Variants in FER1L6 observed in about 807,000 individuals in gnomAD.
FER1L6 encodes fer-1 like family member 6.
In FER1L6, 177 loss-of-function variants were observed where a neutral mutation model predicts 219.2. The ratio of observed to expected loss-of-function variants is 0.81; its 90% confidence interval spans 0.71 to 0.91. The LOEUF (loss-of-function observed/expected upper bound fraction) is 0.91, where lower values mean the gene tolerates loss of function less well. Among genes scored for constraint, FER1L6 ranks in the 40% least tolerant of loss-of-function variants. The pLI, the probability that FER1L6 is intolerant of heterozygous loss-of-function variation, is 0.00. For missense variants in FER1L6, 2,153 were observed against 2,259.9 expected, an observed-to-expected ratio of 0.95 and a Z score of 0.96; for synonymous variants, 768 against 824.3, an observed-to-expected ratio of 0.93 and a Z score of 1.17.
intron 1 of FER1L6, among the ~76,000 whole-genome samples, chr8:123,877,406 G>C (rs1653911372): frequency 6.6e-6 from 1 of 152,130 alleles, no homozygotes; most frequent in South Asian, 2.1e-4. Context: ...AATGGTGAAG[G>C]TCCTGGACTC....
intron 1 of FER1L6, among the ~76,000 whole-genome samples, chr8:123,946,823 G>A (rs4871447): frequency 0.27 from 41,355 of 151,778 alleles, 6,017 homozygotes; most frequent in East Asian, 0.41. Flanking sequence ...ACTTGAGCTC[G>A]ATTTTTTTTC....
chr8:123,933,378 CTGTGTG>C lies in FER1L6; in HGVS notation c.-7-22596_-7-22591del, dbSNP rs767541659. Among the ~76,000 whole-genome samples the C allele has an allele frequency of 3.1e-5, 4 of 130,242 alleles. No homozygotes were observed. In the East Asian group the frequency reaches 6.1e-4, roughly 20 times the overall value. The allele number at this position is 130,242 out of a possible 152,430, so 85.4% of individuals were successfully genotyped here. A position where few individuals can be genotyped will look rare whatever the true frequency, so the allele number is the denominator to read the frequency against. ...TCTTTCTATCATAGCATATGTGTGT[CTGTGTG>C]TGTGTGTGTGTGTGTGTCTGTGTGT... On this transcript the variant is annotated intron_variant, in intron 1 of 40. Transcript: ENST00000522917.
At chr8:123,854,642 C>T (rs1260708234) in intron 1 of FER1L6, among the ~76,000 whole-genome samples, 1 of 152,146 alleles carries the variant, frequency 6.6e-6, no homozygotes, top group African/African-American at 2.4e-5. Context: ...CCAAGGGTGT[C>T]TTCACAGGCC....
intron 7 of FER1L6, 66 bp from the exon 8 acceptor site, chr8:123,975,084 G>A (rs967779963): frequency 1.4e-5 from 20 of 1,418,810 alleles, no homozygotes; most frequent in Non-Finnish European, 1.8e-5. Context: ...TGGCGTGTGG[G>A]AGAGAAAGGG....
chr8:124,063,853 A>G (rs1384734017), intron 25 of FER1L6, among the ~76,000 whole-genome samples: 2 of 152,306 alleles, frequency 1.3e-5, no homozygotes, highest in South Asian at 2.1e-4. Flanking sequence ...TAACCTTTCT[A>G]TGGCATCAGA....
At chr8:124,083,004 T>TTA (rs1821626297) in intron 33 of FER1L6, among the ~76,000 whole-genome samples, 3 of 36,256 alleles carry the variant, frequency 8.3e-5, no homozygotes, top group African/African-American at 1.1e-4. Flanking sequence ...TGTGTATATA[T>TTA]TATATACACA....
In FER1L6 at chr8:123,922,022, C is replaced by T. The variant is rs569726267; in HGVS notation, c.-7-33970C>T. 2.4e-4 allele frequency among the ~76,000 whole-genome samples: 37 copies of T among 152,302 alleles called. No homozygotes were observed. The East Asian group carries it at 7.1e-3, about 29-fold the overall frequency. ...AGTATGGAATTGTGAAACAGTCTGG[C>T]CAGTTTATCTCCTTTCGCCCCAGGT... On this transcript the variant is annotated intron_variant, in intron 1 of 40. Transcript: ENST00000522917.
In FER1L6 at chr8:124,073,782, G is replaced by C. The variant is rs1821171981; in HGVS notation, c.4092+2151G>C. ...CTCATGGAGATTACATACTAGTTGAGAGTGATGTGGGAATTAAGAAGATAT... is the reference window on the plus strand; with the variant it reads ...CTCATGGAGATTACATACTAGTTGACAGTGATGTGGGAATTAAGAAGATAT... On this transcript the variant is annotated intron_variant, in intron 31 of 40. Coordinates refer to ENST00000522917, the MANE Select transcript of FER1L6 (RefSeq NM_001039112.2). 2.0e-5 allele frequency among the ~76,000 whole-genome samples: 3 copies of C among 152,182 alleles called. No individual in the cohort carries two copies. The South Asian group carries it at 6.2e-4, about 31-fold the overall frequency.
At chr8:124,089,290 CA>C (rs1821918440) in intron 33 of FER1L6, among the ~76,000 whole-genome samples, 1 of 152,148 alleles carries the variant, frequency 6.6e-6, no homozygotes, top group Admixed American at 6.6e-5. Flanking sequence ...GACAGGGTAG[CA>C]CTGAGTTCCA....
chr8:124,042,574 T>C (rs1819550700), intron 20 of FER1L6, among the ~76,000 whole-genome samples: 1 of 152,208 alleles, frequency 6.6e-6, no homozygotes, highest in Admixed American at 6.5e-5. Context: ...ACTTCCATTT[T>C]CATAAGAAAG....
intron 16 of FER1L6, among the ~76,000 whole-genome samples, chr8:124,020,619 C>A (rs1818416778): frequency 6.6e-6 from 1 of 152,194 alleles, no homozygotes; most frequent in Non-Finnish European, 1.5e-5. Context: ...AAGCAGCAAC[C>A]ATACCTCTGG....
intron 27 of FER1L6, 61 bp downstream of exon 27, chr8:124,066,611 C>T: frequency 2.5e-6 from 4 of 1,584,100 alleles, no homozygotes; most frequent in Non-Finnish European, 3.4e-6. Flanking sequence ...GCACCTTCTC[C>T]TACCCTAAGT....
At chr8:124,033,024 G>C (rs1002027400) in intron 18 of FER1L6, among the ~76,000 whole-genome samples, 1 of 152,162 alleles carries the variant, frequency 6.6e-6, no homozygotes, top group African/African-American at 2.4e-5. Context: ...CTCTAACCCT[G>C]ATAACCTATG....
At chr8:124,103,886 G>A (rs1822652323) in intron 39 of FER1L6, among the ~76,000 whole-genome samples, 1 of 152,194 alleles carries the variant, frequency 6.6e-6, no homozygotes. Flanking sequence ...TACTGAGACT[G>A]ATAGCAGGGT....
chr8:123,966,411 A>G lies in FER1L6; in HGVS notation c.384+121A>G. 2.4e-6 allele frequency: 3 copies of G among 1,263,076 alleles called. No homozygotes were observed. The East Asian group carries it at 7.1e-5, about 30-fold the overall frequency. The allele number at this position is 1,263,076 out of a possible 1,614,324, so 78.2% of individuals were successfully genotyped here. A position where few individuals can be genotyped will look rare whatever the true frequency, so the allele number is the denominator to read the frequency against. The stretch of plus-strand genomic sequence containing the variant: ...TGCCTCCCTCCCTGGCCCCCAGTTA[A>G]GCCCATGGCAAACTGATTCTTCTTA... On this transcript the variant is annotated intron_variant, in intron 5 of 40. Transcript: ENST00000522917.
At chr8:124,083,489 CTCTGATA>C (rs1821661485) in intron 33 of FER1L6, among the ~76,000 whole-genome samples, 1 of 152,054 alleles carries the variant, frequency 6.6e-6, no homozygotes, top group African/African-American at 2.4e-5. Flanking sequence ...ACTGTCCTTT[CTCTGATA>C]TATCTTTTTG....
intron 20 of FER1L6, among the ~76,000 whole-genome samples, chr8:124,041,658 A>G (rs1297454182): frequency 6.6e-6 from 1 of 152,226 alleles, no homozygotes. Flanking sequence ...AGCCAGGTAG[A>G]GAAAGGGTTA....
At chr8:124,112,556 A>G (rs1322368426) in intron 39 of FER1L6, among the ~76,000 whole-genome samples, 4 of 151,986 alleles carry the variant, frequency 2.6e-5, no homozygotes, top group Non-Finnish European at 4.4e-5. Context: ...TAAGAGACAA[A>G]GATTAAAACA....
At chr8:124,025,624 G>T (rs1332634167) in intron 18 of FER1L6, among the ~76,000 whole-genome samples, 2 of 152,194 alleles carry the variant, frequency 1.3e-5, no homozygotes, top group East Asian at 3.9e-4. Flanking sequence ...CTCTAGATTT[G>T]TTCTTTTTCT....
Sources: allele counts gnomAD v4.1 joint callset (sites outside exome capture counted in the v4.1 genomes callset), GRCh38; gene constraint gnomAD v4.1.1; transcripts MANE v1.5; gene names NCBI Gene and HGNC (gene_info 2026-07-23, HGNC 2026-07-21).